LRRFIP2: variants seen among roughly 807,000 people sequenced by gnomAD.
LRRFIP2 encodes the protein leucine-rich repeat flightless-interacting protein 2.
Under a neutral mutation model 125.9 loss-of-function variants are expected in LRRFIP2, and 109 were observed. The ratio of observed to expected loss-of-function variants is 0.87; its 90% CI spans 0.74 to 1.01. LRRFIP2 has a LOEUF of 1.01. Among genes scored for constraint, LRRFIP2 ranks in the 50% least tolerant of loss-of-function variants. The probability of loss-of-function intolerance (pLI) is 0.00; values close to 1 mark genes in which losing one functional copy is unlikely to be tolerated. For synonymous variants in LRRFIP2, 291 were observed against 293.1 expected, an observed-to-expected ratio of 0.99 and a Z score of 0.07; for missense variants, 850 against 862.3, an observed-to-expected ratio of 0.99 and a Z score of 0.18.
At chr3:37,108,238 G>C in intron 12 of LRRFIP2, 109 bp from the exon 13 acceptor site, 1 of 826,664 alleles carries the variant, frequency 1.2e-6, no homozygotes, top group Admixed American at 2.1e-5. Flanking sequence ...TCAAGATAAA[G>C]GTAACTGTTA....
At chr3:37,175,859 A>C (rs973761241), upstream of LRRFIP2, 3 of 152,110 alleles carry the variant, frequency 2.0e-5, no homozygotes, top group African/African-American at 7.2e-5. Context: ...TAGAAATCAG[A>C]CGGGATGTCT....
Position 37,096,636 on chromosome 3 carries a change from A to G in LRRFIP2, c.898T>C (p.Tyr300His), listed in dbSNP as rs771176021. 6.4e-7 allele frequency: 1 copy of G among 1,570,290 alleles called. No individual in the cohort carries two copies. The highest frequency in any genetic ancestry group is 1.1e-5 in the South Asian group (1 of 87,596). The change falls in exon 16 of 28, where the codon TAT becomes CAT. Residue 300 changes from tyrosine (Y) to histidine (H), a missense_variant. By Grantham distance (83) the Tyr-to-His change is moderately conservative. Transcript: ENST00000336686. Reference sequence around the variant, plus strand: ...CTCACTCTTGTATAATTTTCAGCATACTGTTTGTCAGATTTTTCATCCAAC... The same window carrying G: ...CTCACTCTTGTATAATTTTCAGCATGCTGTTTGTCAGATTTTTCATCCAAC... ...SSLDEKSDKQ[Y>H]AENYTRPSSR...
Position 37,127,640 on chromosome 3 carries a change from T to A in LRRFIP2, c.218A>T (p.Gln73Leu). ...GCAATACTGGCCTACCAGCCACTTCTGAATCTGTCCCCACTTCCGATCAAA... is the reference window on the plus strand; with the variant it reads ...GCAATACTGGCCTACCAGCCACTTCAGAATCTGTCCCCACTTCCGATCAAA... ...HSFDRKWGQI[Q>L]KWLEDSERAR... is the part of the protein sequence containing the mutation. The change falls in exon 4 of 28, where the codon CAG (glutamine) becomes CTG (leucine). Residue 73 changes from glutamine (Q) to leucine (L), a missense_variant. Gln to Leu is a moderately radical substitution (Grantham distance 113, BLOSUM62 -2). Coordinates refer to ENST00000336686, the MANE Select transcript of LRRFIP2 (RefSeq NM_006309.4). 1 of 1,613,990 alleles carries A rather than the reference T, an allele frequency of 6.2e-7. No homozygotes were observed. The highest frequency in any genetic ancestry group is 8.5e-7 in the Non-Finnish European group (1 of 1,179,890).
At position 37,066,305 on chromosome 3, in the gene LRRFIP2, T is replaced by C. The variant is rs965797842; in HGVS notation, c.1485A>G (p.Glu495=). 1.2e-6 allele frequency: 2 copies of C among 1,614,118 alleles called. No homozygotes were observed. The highest frequency in any genetic ancestry group is 1.7e-6 in the Non-Finnish European group (2 of 1,179,960). The change falls in exon 22 of 28, where the codon GAA becomes GAG. Residue 495 remains glutamate, a synonymous_variant. Coordinates refer to ENST00000336686, the MANE Select transcript of LRRFIP2 (RefSeq NM_006309.4). The part of the protein sequence containing the change: ...KKIGALEKQK[E]YIACLRNERD... ...GCTCATTCCTAAGGCAGGCAATGTA[T>C]TCTTTCTGTTTCTCTAGGGCCTGGT...
At chr3:37,125,748 T>C (rs1248460335) in intron 4 of LRRFIP2, among the ~76,000 whole-genome samples, 1 of 152,152 alleles carries the variant, frequency 6.6e-6, no homozygotes, top group Non-Finnish European at 1.5e-5. Flanking sequence ...ATTACAAATA[T>C]AGGAAAATTT....
intron 6 of LRRFIP2, 137 bp from the exon 7 acceptor site, chr3:37,115,232 C>A: frequency 3.5e-6 from 2 of 574,248 alleles, no homozygotes; most frequent in East Asian, 2.9e-5. Flanking sequence ...GAAAGCTAAT[C>A]CAGTTGAATT....
intron 14 of LRRFIP2, 77 bp from the exon 15 acceptor site, chr3:37,103,090 A>T: frequency 8.9e-7 from 1 of 1,129,292 alleles, no homozygotes; most frequent in Non-Finnish European, 1.3e-6. Flanking sequence ...TTGGCCAATT[A>T]GGGAAAAGTT....
intron 6 of LRRFIP2, among the ~76,000 whole-genome samples, chr3:37,121,220 T>C (rs2095024119): frequency 6.6e-6 from 1 of 152,234 alleles, no homozygotes; most frequent in East Asian, 1.9e-4. Context: ...TTAATTATTT[T>C]GTGATACTTT....
intron 9 of LRRFIP2, among the ~76,000 whole-genome samples, chr3:37,110,528 T>C (rs1030155497): frequency 2.0e-5 from 3 of 152,174 alleles, no homozygotes; most frequent in Non-Finnish European, 4.4e-5. Context: ...ATTACATTCT[T>C]CTCATGCCAC....
Position 37,123,455 on chromosome 3 carries a change from C to T in LRRFIP2, c.229-1764G>A, listed in dbSNP as rs60172472. Among the ~76,000 whole-genome samples the T allele has an allele frequency of 7.6e-3, 1,150 of 152,264 alleles. 18 individuals carry two copies. Among genetic ancestry groups the T allele is most frequent in the African/African-American group, 0.026 (1,094 of 41,530 alleles). ...CTGCCCGCCTCGGCCTTCCAAAGTG[C>T]TGGTATTACAGGCATGAGCCACCAT... is the stretch of plus-strand genomic sequence containing the variant. On this transcript the variant is annotated intron_variant, in intron 4 of 27. Coordinates refer to ENST00000336686, the MANE Select transcript of LRRFIP2 (RefSeq NM_006309.4).
chr3:37,152,831 C>G (rs945561788), intron 1 of LRRFIP2, among the ~76,000 whole-genome samples: 1 of 152,182 alleles, frequency 6.6e-6, no homozygotes, highest in Non-Finnish European at 1.5e-5. Flanking sequence ...CCTTTTCAGA[C>G]TAGATTGACA....
intron 18 of LRRFIP2, among the ~76,000 whole-genome samples, chr3:37,088,379 AT>A (rs2093215809): frequency 6.6e-6 from 1 of 152,128 alleles, no homozygotes; most frequent in Non-Finnish European, 1.5e-5. Context: ...CATGGGCAAT[AT>A]TTAAAAAGAA....
At chr3:37,056,595 A>T (rs2086943571) in intron 25 of LRRFIP2, among the ~76,000 whole-genome samples, 1 of 152,018 alleles carries the variant, frequency 6.6e-6, no homozygotes, top group African/African-American at 2.4e-5. Flanking sequence ...CTGGGACTAC[A>T]GGCACCCGCC....
In LRRFIP2 at chr3:37,113,220, G is replaced by A. The variant is rs114543377; in HGVS notation, c.373-240C>T. Among the ~76,000 whole-genome samples, 850 of 152,172 alleles carry A rather than the reference G, an allele frequency of 5.6e-3. 9 individuals are homozygous for A. The highest frequency in any genetic ancestry group is 0.018 in the African/African-American group (735 of 41,508). ...TCTGTGCCAAGCATCTGTGTGTCTG[G>A]CCAGCTAAAGAAAACTTGATTAGAA... On this transcript the variant is annotated intron_variant, in intron 7 of 27. Transcript: ENST00000336686.
intron 14 of LRRFIP2, among the ~76,000 whole-genome samples, chr3:37,104,529 G>A (rs1374415050): frequency 1.3e-5 from 2 of 152,076 alleles, no homozygotes; most frequent in Admixed American, 6.6e-5. Flanking sequence ...TGAAAACTCG[G>A]GTTTATAATC....
Position 37,103,024 on chromosome 3 carries a change from GA to G in LRRFIP2, c.784-12del, listed in dbSNP as rs770418848. ...ATCAGCGGCAGATACCTTTCGGTCA[GA>G]AAAAAAACAAGATGCTTTCAAGGTT... On this transcript the variant is annotated splice_polypyrimidine_tract_variant and intron_variant, in intron 14 of 27. Coordinates refer to ENST00000336686, the MANE Select transcript of LRRFIP2 (RefSeq NM_006309.4). The G allele has an allele frequency of 7.9e-6, 12 of 1,521,684 alleles. No homozygotes were observed. The highest frequency in any genetic ancestry group is 2.1e-5 in the Admixed American group (1 of 47,968). The allele number at this position is 1,521,684 out of a possible 1,614,324, so 94.3% of individuals were successfully genotyped here.
intron 1 of LRRFIP2, among the ~76,000 whole-genome samples, chr3:37,165,892 T>C (rs2096478711): frequency 6.7e-6 from 1 of 149,708 alleles, no homozygotes; most frequent in African/African-American, 2.5e-5. Flanking sequence ...TCAAAATGGA[T>C]CAAAGACCTA....
At chr3:37,109,459 G>A (rs910640251) in intron 11 of LRRFIP2, 68 bp downstream of exon 11, 33 of 1,531,820 alleles carry the variant, frequency 2.2e-5, no homozygotes, top group Middle Eastern at 1.7e-4. Flanking sequence ...AAGCTGTCAA[G>A]CCATAGAGTT....
chr3:37,148,951 T>C lies in LRRFIP2; in HGVS notation c.33A>G (p.Thr11=). Residue 11 remains threonine (T), a synonymous_variant, in exon 2 of 28, where the codon ACA becomes ACG. Coordinates refer to ENST00000336686, the MANE Select transcript of LRRFIP2 (RefSeq NM_006309.4). The part of the protein sequence containing the change: MGTPASGRKR[T]PVKDRFSAED... Reference sequence around the variant, plus strand: ...CTGCAGAAAATCGGTCTTTCACAGGTGTTCTTTTCCTTCCAGAAGCAGGAG... The same window carrying C: ...CTGCAGAAAATCGGTCTTTCACAGGCGTTCTTTTCCTTCCAGAAGCAGGAG... 1 of 1,614,074 alleles carries C rather than the reference T, an allele frequency of 6.2e-7. No homozygotes were observed. The highest frequency in any genetic ancestry group is 2.2e-5 in the East Asian group (1 of 44,852).
Sources: allele counts gnomAD v4.1 joint callset (sites outside exome capture counted in the v4.1 genomes callset), GRCh38; gene constraint gnomAD v4.1.1; transcripts MANE v1.5; gene names NCBI Gene and HGNC (gene_info 2026-07-23, HGNC 2026-07-21).